The following EYS variants were observed in gnomAD, a reference collection of about 807,000 sequenced individuals.
EYS encodes the protein protein eyes shut homolog.
A neutral mutation model predicts 282.1 loss-of-function variants in EYS; 250 were observed. The observed-to-expected ratio is 0.89, with a 90% CI of 0.80 to 0.98. The LOEUF is 0.98. Ranked by LOEUF, EYS falls within the 50% of genes least tolerant of loss-of-function variation. EYS has a pLI of 0.00. For synonymous variants in EYS, 1,355 were observed against 1,282.9 expected (o/e 1.06, Z -1.20); for missense variants, 4,016 against 3,709.0 (o/e 1.08, Z -2.15).
intron 11 of EYS, among the ~76,000 whole-genome samples, chr6:65,315,005 C>T (rs1769262102): frequency 2.0e-5 from 3 of 151,996 alleles, no homozygotes; most frequent in Admixed American, 2.0e-4. Flanking sequence ...TTGCTGAGAC[C>T]ACCCACTGAA....
intron 29 of EYS, among the ~76,000 whole-genome samples, chr6:64,354,071 GC>G (rs1771738905): frequency 6.6e-6 from 1 of 151,512 alleles, no homozygotes; most frequent in African/African-American, 2.4e-5. Flanking sequence ...CAGCCTAAAA[GC>G]ACTAGATGCT....
chr6:65,534,422 T>A (rs1238858290), intron 2 of EYS, among the ~76,000 whole-genome samples: 3 of 152,046 alleles, frequency 2.0e-5, no homozygotes, highest in Admixed American at 6.6e-5. Flanking sequence ...AGTAAGAGAA[T>A]GACCAAAAGG....
intron 2 of EYS, among the ~76,000 whole-genome samples, chr6:65,538,090 TAAG>T (rs761081918): frequency 2.0e-5 from 3 of 152,158 alleles, no homozygotes; most frequent in Non-Finnish European, 4.4e-5. Flanking sequence ...GGTGAGTTGT[TAAG>T]AAGACCAATA....
chr6:65,527,711 C>T lies in EYS; in HGVS notation c.-332-31718G>A, dbSNP rs145153103. On this transcript the variant is annotated intron_variant, in intron 2 of 42. Coordinates refer to ENST00000503581, the MANE Select transcript of EYS (RefSeq NM_001142800.2). ...CTATCACACTGTTACTCAGGGAGAC[C>T]GGGCATACACCTATTACAATCAAAT... is the stretch of plus-strand genomic sequence containing the variant. 1.7e-4 allele frequency among the ~76,000 whole-genome samples: 26 copies of T among 152,206 alleles called. No individual in the cohort carries two copies. In the East Asian group the frequency reaches 4.4e-3, roughly 26 times the overall value.
chr6:64,719,546 G>T (rs2149941903), intron 22 of EYS, among the ~76,000 whole-genome samples: 1 of 152,302 alleles, frequency 6.6e-6, no homozygotes, highest in South Asian at 2.1e-4. Flanking sequence ...TCCTGAGAGA[G>T]AAACCTTGGC....
intron 12 of EYS, among the ~76,000 whole-genome samples, chr6:65,067,913 A>G (rs1400070588): frequency 2.6e-5 from 4 of 152,174 alleles, no homozygotes; most frequent in Admixed American, 6.5e-5. Flanking sequence ...TATGCTTATT[A>G]AAGAGGCAGA....
intron 30 of EYS, among the ~76,000 whole-genome samples, chr6:64,271,746 C>T (rs1767945596): frequency 6.6e-6 from 1 of 151,894 alleles, no homozygotes; most frequent in African/African-American, 2.4e-5. Context: ...ACTTTATCCA[C>T]CTCATTTTGT....
chr6:65,631,874 G>T (rs1489596066), intron 2 of EYS, among the ~76,000 whole-genome samples: 13 of 152,100 alleles, frequency 8.5e-5, no homozygotes, highest in Non-Finnish European at 1.5e-5. Flanking sequence ...ATAATGAATG[G>T]AAAGAAAGGT....
At chr6:65,613,717 C>T (rs571739320) in intron 2 of EYS, among the ~76,000 whole-genome samples, 1 of 151,868 alleles carries the variant, frequency 6.6e-6, no homozygotes, top group Non-Finnish European at 1.5e-5. Context: ...AGGATCCAGG[C>T]AATTCGTTTA....
chr6:65,407,744 C>CGT (rs71002305), intron 5 of EYS, among the ~76,000 whole-genome samples: 3,358 of 144,164 alleles, frequency 0.023, 41 homozygotes, highest in African/African-American at 0.045. Flanking sequence ...CTAATAAGTC[C>CGT]GTGTGTGTGT....
chr6:63,760,674 A>ATCTATCTG (rs1769613619), intron 41 of EYS, among the ~76,000 whole-genome samples: 5 of 149,692 alleles, frequency 3.3e-5, no homozygotes, highest in African/African-American at 1.3e-4. Flanking sequence ...CTATCTATCT[A>ATCTATCTG]TCTATCTATC....
intron 22 of EYS, among the ~76,000 whole-genome samples, chr6:64,653,072 G>A (rs1252809320): frequency 6.7e-6 from 1 of 150,056 alleles, no homozygotes; most frequent in Non-Finnish European, 1.5e-5. Context: ...TATTAGAGTG[G>A]ACTCTAATGC....
At chr6:65,277,738 T>G (rs2150271832) in intron 12 of EYS, among the ~76,000 whole-genome samples, 1 of 152,268 alleles carries the variant, frequency 6.6e-6, no homozygotes, top group East Asian at 1.9e-4. Context: ...TTACCTCCTT[T>G]TTAGAGCAGG....
intron 12 of EYS, among the ~76,000 whole-genome samples, chr6:65,289,329 G>A (rs975005549): frequency 1.3e-5 from 2 of 150,836 alleles, no homozygotes; most frequent in Admixed American, 6.6e-5. Flanking sequence ...TTGTGTGTAT[G>A]TATATACATT....
At chr6:64,471,938 T>A (rs1776134445) in intron 26 of EYS, among the ~76,000 whole-genome samples, 1 of 151,834 alleles carries the variant, frequency 6.6e-6, no homozygotes, top group Admixed American at 6.6e-5. Context: ...TTATTTTATA[T>A]TTCATAAGAG....
At chr6:64,755,348 A>C (rs997862208) in intron 22 of EYS, among the ~76,000 whole-genome samples, 3 of 152,100 alleles carry the variant, frequency 2.0e-5, no homozygotes, top group Non-Finnish European at 4.4e-5. Context: ...AGAAACCCCA[A>C]AGCAATCTAT....
At chr6:64,643,462 G>A (rs922677979) in intron 22 of EYS, among the ~76,000 whole-genome samples, 4 of 152,206 alleles carry the variant, frequency 2.6e-5, no homozygotes, top group Non-Finnish European at 2.9e-5. Context: ...ATGCTCTTTG[G>A]ATGCTTGGCA....
chr6:64,487,656 TC>T (rs1377037877), intron 26 of EYS, among the ~76,000 whole-genome samples: 1 of 151,010 alleles, frequency 6.6e-6, no homozygotes, highest in Non-Finnish European at 1.5e-5. Context: ...TGGGATACTA[TC>T]AATAATTTCA....
intron 29 of EYS, among the ~76,000 whole-genome samples, chr6:64,377,537 G>A (rs1772598747): frequency 6.6e-6 from 1 of 152,060 alleles, no homozygotes; most frequent in Non-Finnish European, 1.5e-5. Context: ...TCTGTGAAAT[G>A]GAGATACTAA....
Sources: allele counts gnomAD v4.1 joint callset (sites outside exome capture counted in the v4.1 genomes callset), GRCh38; gene constraint gnomAD v4.1.1; transcripts MANE v1.5; gene names NCBI Gene and HGNC (gene_info 2026-07-23, HGNC 2026-07-21).